Variants in UBE2Q2 observed in about 807,000 individuals in gnomAD.
The protein encoded by UBE2Q2 is ubiquitin conjugating enzyme E2 Q2, also known as ubiquitin-conjugating enzyme E2 Q2.
Under a neutral mutation model 59.9 loss-of-function variants are expected in UBE2Q2, and 54 were observed. That is an observed-to-expected ratio of 0.90 (90% CI 0.72 to 1.13). UBE2Q2 has a LOEUF of 1.13. Ranked by LOEUF, UBE2Q2 falls within the 50% of genes most tolerant of loss-of-function variation. The probability of loss-of-function intolerance (pLI) is 0.00; values close to 1 mark genes in which losing one functional copy is unlikely to be tolerated. For missense variants in UBE2Q2, 433 were observed against 441.9 expected (o/e 0.98, Z 0.18); for synonymous variants, 165 against 155.2 (o/e 1.06, Z -0.47).
intron 5 of UBE2Q2, among the ~76,000 whole-genome samples, chr15:75,875,826 C>T (rs571608646): frequency 1.1e-4 from 17 of 151,962 alleles, no homozygotes; most frequent in African/African-American, 4.1e-4. Context: ...CTTTGGGAGG[C>T]CGAGGCAGGC....
In UBE2Q2 at chr15:75,860,057, C is replaced by A. The variant is rs1026585192; in HGVS notation, c.387+75C>A. On this transcript the variant is annotated intron_variant, in intron 3 of 12. Coordinates refer to ENST00000267938, the MANE Select transcript of UBE2Q2 (RefSeq NM_173469.4). ...CAAAAGTCAAACTAGGATGATTTTT[C>A]TTTTTATTGTTCAACTTATTTAGAA... The A allele has an allele frequency of 2.6e-4, 271 of 1,052,462 alleles. 1 individual carries two copies. The African/African-American group carries it at 3.9e-3, about 15-fold the overall frequency. 65.2% of individuals were successfully genotyped at this position (1,052,462 alleles called of 1,614,324 possible). A position where few individuals can be genotyped will look rare whatever the true frequency, so the allele number is the denominator to read the frequency against.
rs912633825 is a variant in UBE2Q2 at position 75,843,615 on chromosome 15, C to T, written c.-52C>T. 2.6e-6 allele frequency: 4 copies of T among 1,512,850 alleles called. No homozygotes were observed. Among genetic ancestry groups the T allele is most frequent in the Non-Finnish European group, 2.7e-6 (3 of 1,130,234 alleles). The allele number at this position is 1,512,850 out of a possible 1,614,324, so 93.7% of individuals were successfully genotyped here. ...GACGGCGGCTCCGGGCCCGGCTCCC[C>T]TTCCGCGCCCGGCTCCCCTTCCGCG... On this transcript the variant is annotated 5_prime_UTR_variant, in exon 1 of 13. Transcript: ENST00000267938.
At chr15:75,872,186 T>G (rs746217039) in intron 4 of UBE2Q2, among the ~76,000 whole-genome samples, 4 of 151,648 alleles carry the variant, frequency 2.6e-5, no homozygotes, top group Non-Finnish European at 5.9e-5. Flanking sequence ...CGAGATCTTG[T>G]CACTGTACTC....
intron 4 of UBE2Q2, among the ~76,000 whole-genome samples, chr15:75,871,760 C>T (rs921500433): frequency 5.9e-5 from 9 of 152,158 alleles, no homozygotes; most frequent in African/African-American, 1.4e-4. Flanking sequence ...AATGGAGTCT[C>T]CTATGTCTAC....
Position 75,876,628 on chromosome 15 carries a change from G to T in UBE2Q2, c.673+357G>T, listed in dbSNP as rs374555420. Among the ~76,000 whole-genome samples, 7 of 152,230 alleles carry T rather than the reference G, an allele frequency of 4.6e-5. No homozygotes were observed. The East Asian group carries it at 9.7e-4, about 21-fold the overall frequency. On this transcript the variant is annotated intron_variant, in intron 6 of 12. Transcript: ENST00000267938. Reference sequence around the variant, plus strand: ...TTTTACAGAGAATAATTGCCAAGTTGATTTTTATGATTCCCCCCCATTTTT... The same window carrying T: ...TTTTACAGAGAATAATTGCCAAGTTTATTTTTATGATTCCCCCCCATTTTT...
intron 1 of UBE2Q2, among the ~76,000 whole-genome samples, chr15:75,845,244 T>G (rs1481154482): frequency 6.6e-6 from 1 of 151,994 alleles, no homozygotes; most frequent in Non-Finnish European, 1.5e-5. Flanking sequence ...TGACTACAAT[T>G]TTGGAAGGCT....
intron 9 of UBE2Q2, 91 bp from the exon 10 acceptor site, chr15:75,890,344 G>C (rs959061852): frequency 2.0e-5 from 18 of 890,726 alleles, no homozygotes; most frequent in Non-Finnish European, 1.8e-6. Flanking sequence ...ATCCTTACTT[G>C]TGTGCATATT....
At chr15:75,850,314 C>T (rs557694180) in intron 1 of UBE2Q2, among the ~76,000 whole-genome samples, 9 of 152,324 alleles carry the variant, frequency 5.9e-5, no homozygotes, top group African/African-American at 2.2e-4. Flanking sequence ...TCTCTTTTCT[C>T]CGATGCTTAT....
intron 1 of UBE2Q2, among the ~76,000 whole-genome samples, chr15:75,852,477 A>G (rs541520282): frequency 2.6e-5 from 4 of 152,238 alleles, no homozygotes; most frequent in Non-Finnish European, 5.9e-5. Flanking sequence ...GATTAAAAAC[A>G]TGATTTCAGT....
At chr15:75,859,456 G>C (rs1897099475) in intron 2 of UBE2Q2, among the ~76,000 whole-genome samples, 1 of 151,988 alleles carries the variant, frequency 6.6e-6, no homozygotes, top group Non-Finnish European at 1.5e-5. Flanking sequence ...ATATAATTTT[G>C]TAATCCATCT....
At chr15:75,862,683 C>A (rs992698556) in intron 3 of UBE2Q2, among the ~76,000 whole-genome samples, 23 of 151,652 alleles carry the variant, frequency 1.5e-4, no homozygotes, top group Non-Finnish European at 4.4e-5. Context: ...GGTATGGTGG[C>A]ACCTGCCTGT....
intron 1 of UBE2Q2, among the ~76,000 whole-genome samples, chr15:75,850,448 A>T (rs993089633): frequency 2.0e-5 from 3 of 152,190 alleles, no homozygotes; most frequent in Admixed American, 2.0e-4. Flanking sequence ...GACCACCCCA[A>T]GGTGGCCATC....
At chr15:75,875,064 T>C (rs1036742664) in intron 5 of UBE2Q2, among the ~76,000 whole-genome samples, 2 of 152,220 alleles carry the variant, frequency 1.3e-5, no homozygotes, top group Non-Finnish European at 2.9e-5. Flanking sequence ...TCATTTGAAT[T>C]AATGATGACT....
At chr15:75,844,590 G>T in intron 1 of UBE2Q2, 4 of 1,286,366 alleles carry the variant, frequency 3.1e-6, no homozygotes, top group South Asian at 3.0e-5. Context: ...GAAAGATCAC[G>T]TATGTCACAA....
intron 3 of UBE2Q2, among the ~76,000 whole-genome samples, chr15:75,865,904 CTG>C (rs1225953894): frequency 6.6e-6 from 1 of 151,520 alleles, no homozygotes; most frequent in Admixed American, 6.6e-5. Context: ...ATATCTGACT[CTG>C]TATAAAGTAT....
At chr15:75,874,605 G>A (rs1390914351) in intron 5 of UBE2Q2, among the ~76,000 whole-genome samples, 2 of 152,070 alleles carry the variant, frequency 1.3e-5, no homozygotes, top group Non-Finnish European at 2.9e-5. Context: ...TCTCTTTTAC[G>A]TGAAGCAGCA....
chr15:75,900,410 T>C lies in UBE2Q2; in HGVS notation c.*952T>C, dbSNP rs2141692241. 1 of 152,782 alleles carries C rather than the reference T, an allele frequency of 6.5e-6. No individual in the cohort carries two copies. Among genetic ancestry groups the C allele is most frequent in the East Asian group, 1.9e-4 (1 of 5,192 alleles). 9.5% of individuals were successfully genotyped at this position (152,782 alleles called of 1,614,324 possible). ...AATGGCTTTTACATTGAAAGATTAA[T>C]AGAAACTCTACATATGTTAATTTTT... On this transcript the variant is annotated 3_prime_UTR_variant, in exon 13 of 13. Coordinates refer to ENST00000267938, the MANE Select transcript of UBE2Q2 (RefSeq NM_173469.4).
chr15:75,881,847 A>C (rs1898447429), intron 8 of UBE2Q2, among the ~76,000 whole-genome samples: 2 of 152,204 alleles, frequency 1.3e-5, no homozygotes, highest in Admixed American at 1.3e-4. Context: ...CATCTGAATT[A>C]CTGAATTGAA....
intron 1 of UBE2Q2, among the ~76,000 whole-genome samples, chr15:75,853,490 T>A (rs894047991): frequency 5.4e-5 from 8 of 148,290 alleles, no homozygotes; most frequent in African/African-American, 1.2e-4. Flanking sequence ...GAAAAAAAAA[T>A]TATATATATA....
Sources: gnomAD v4.1 joint callset for allele counts (sites outside exome capture counted in the v4.1 genomes callset) on GRCh38, gnomAD v4.1.1 for gene constraint, MANE v1.5 for transcripts, NCBI Gene and HGNC (gene_info 2026-07-23, HGNC 2026-07-21) for gene names.